The following LRIG1 variants were observed in gnomAD, a reference collection of about 807,000 sequenced individuals.
LRIG1 encodes the protein leucine-rich repeats and immunoglobulin-like domains protein 1.
In LRIG1, 48 loss-of-function variants were observed where a neutral mutation model predicts 99.2. The ratio of observed to expected loss-of-function variants is 0.48; its 90% CI spans 0.38 to 0.62. The LOEUF (loss-of-function observed/expected upper bound fraction) is 0.62. Ranked by LOEUF, LRIG1 falls within the 20% of genes least tolerant of loss-of-function variation. The pLI, the probability that LRIG1 is intolerant of heterozygous loss-of-function variation, is 0.00. For missense variants in LRIG1, 1,646 were observed against 1,434.4 expected, an observed-to-expected ratio of 1.15 and a Z score of -2.38; for synonymous variants, 772 against 596.1, an observed-to-expected ratio of 1.29 and a Z score of -4.30.
chr3:66,469,492 G>C (rs956889254), intron 1 of LRIG1, among the ~76,000 whole-genome samples: 5 of 152,150 alleles, frequency 3.3e-5, no homozygotes, highest in Non-Finnish European at 7.3e-5. Context: ...GTGGGCCTCT[G>C]AAGTCTAACG....
intron 4 of LRIG1, 53 bp downstream of exon 4, chr3:66,417,076 T>C (rs1702636514): frequency 1.9e-6 from 3 of 1,598,738 alleles, no homozygotes; most frequent in South Asian, 2.2e-5. Flanking sequence ...GTGAAGCTGT[T>C]AGCTGGCTGG....
chr3:66,478,763 A>T (rs1700782040), intron 1 of LRIG1, among the ~76,000 whole-genome samples: 1 of 151,976 alleles, frequency 6.6e-6, no homozygotes, highest in African/African-American at 2.4e-5. Context: ...ATGTCCCCGC[A>T]GGCCTTTTCT....
chr3:66,497,519 T>A (rs1010211863), intron 1 of LRIG1, among the ~76,000 whole-genome samples: 3 of 152,040 alleles, frequency 2.0e-5, no homozygotes, highest in African/African-American at 7.2e-5. Flanking sequence ...AGACTTAAAT[T>A]ATGGCTTGAC....
intron 2 of LRIG1, 58 bp downstream of exon 2, chr3:66,462,380 G>GA: frequency 7.6e-7 from 1 of 1,312,102 alleles, no homozygotes; most frequent in Non-Finnish European, 1.1e-6. Context: ...AATACAAGAG[G>GA]ATTTTCCCAA....
intron 1 of LRIG1, among the ~76,000 whole-genome samples, chr3:66,499,283 T>C (rs533500864): frequency 6.6e-6 from 1 of 152,352 alleles, no homozygotes; most frequent in African/African-American, 2.4e-5. Context: ...GCCCACATCC[T>C]GACAGCACAG....
intron 12 of LRIG1, chr3:66,387,439 TGTG>T (rs1340670188): frequency 1.3e-5 from 2 of 152,074 alleles, no homozygotes; most frequent in African/African-American, 4.8e-5. Flanking sequence ...AGACAGTGGT[TGTG>T]GTGACTTCTC....
At chr3:66,408,161 G>A (rs1553715302) in intron 7 of LRIG1, among the ~76,000 whole-genome samples, 3 of 152,220 alleles carry the variant, frequency 2.0e-5, no homozygotes, top group Non-Finnish European at 1.5e-5. Flanking sequence ...GGTTGCTTAC[G>A]TGACATATTG....
In LRIG1 at chr3:66,500,401, G is replaced by A. The variant is rs992246386; in HGVS notation, c.7C>T (p.Arg3Trp). ...GCCCCGAGCCCTCCCCGGACCGGCC[G>A]CGCCATCTTGTCTGGAGCGCGCTGC... Reference protein sequence around the residue: MARPVRGGLGAPR... With the variant: MAWPVRGGLGAPR... The change falls in exon 1 of 19, where the codon CGG (arginine) becomes TGG (tryptophan). Residue 3 changes from arginine to tryptophan, a missense_variant. Coordinates refer to ENST00000273261, the MANE Select transcript of LRIG1 (RefSeq NM_015541.3). 1.2e-5 allele frequency: 17 copies of A among 1,416,804 alleles called. No homozygotes were observed. Among genetic ancestry groups the A allele is most frequent in the African/African-American group, 1.5e-5 (1 of 67,758 alleles). 87.8% of individuals were successfully genotyped at this position (1,416,804 alleles called of 1,614,324 possible). A position where few individuals can be genotyped will look rare whatever the true frequency, so the allele number is the denominator to read the frequency against.
chr3:66,404,795 G>T (rs141374249), intron 9 of LRIG1, among the ~76,000 whole-genome samples: 1 of 152,118 alleles, frequency 6.6e-6, no homozygotes, highest in Non-Finnish European at 1.5e-5. Context: ...GGTTAATGAC[G>T]AAAGTACTGA....
At chr3:66,491,303 C>A (rs1315600916) in intron 1 of LRIG1, among the ~76,000 whole-genome samples, 1 of 152,168 alleles carries the variant, frequency 6.6e-6, no homozygotes, top group African/African-American at 2.4e-5. Context: ...ATGATCTATT[C>A]CATTTCTAAT....
intron 3 of LRIG1, among the ~76,000 whole-genome samples, chr3:66,449,775 A>G (rs1036344659): frequency 1.1e-4 from 16 of 152,176 alleles, no homozygotes; most frequent in African/African-American, 3.6e-4. Context: ...CCTCTCTGAC[A>G]ACACAGAGAT....
chr3:66,501,102 T>G (rs1701350682), upstream of LRIG1: 1 of 146,500 alleles, frequency 6.8e-6, no homozygotes, highest in South Asian at 2.1e-4. Context: ...CCCCCTAGGC[T>G]CCGCGCTCCG....
intron 11 of LRIG1, among the ~76,000 whole-genome samples, chr3:66,395,628 G>A (rs780533508): frequency 1.2e-4 from 19 of 152,114 alleles, no homozygotes; most frequent in Non-Finnish European, 2.5e-4. Flanking sequence ...TTTATTTCAC[G>A]GGCAGGTAGC....
chr3:66,385,487 T>C (rs1207302082), intron 13 of LRIG1, among the ~76,000 whole-genome samples: 2 of 152,240 alleles, frequency 1.3e-5, no homozygotes, highest in African/African-American at 4.8e-5. Flanking sequence ...CAGTCTCACT[T>C]TGACACCCAG....
Position 66,407,492 on chromosome 3 carries a change from C to G in LRIG1, c.936-1G>C. The G allele has an allele frequency of 6.2e-7, 1 of 1,613,868 alleles. No individual in the cohort carries two copies. Among genetic ancestry groups the G allele is most frequent in the Non-Finnish European group, 8.5e-7 (1 of 1,179,922 alleles). ...TGTCAGGTTGTTGAAGGACAGGACC[C>G]TGAGGAAAGGGAGGGCAGCAATGTC... is the stretch of plus-strand genomic sequence containing the variant. On this transcript the variant is annotated splice_acceptor_variant, in intron 7 of 18. Coordinates refer to ENST00000273261, the MANE Select transcript of LRIG1 (RefSeq NM_015541.3). LOFTEE classifies it high-confidence loss of function.
In LRIG1 at chr3:66,384,194, G is replaced by C; in HGVS notation, c.1868C>G (p.Thr623Arg). ...GGCAATCTGAGGGTTTGGGTGACCT[G>C]TGGCAGCACATTCGAGGCGGGCCAT... ...TTMARLECAA[T>R]GHPNPQIAWQ... is the part of the protein sequence containing the mutation. Residue 623 changes from threonine (T) to arginine (R), a missense_variant, in exon 14 of 19, where the codon ACA (threonine) becomes AGA (arginine). Coordinates refer to ENST00000273261, the MANE Select transcript of LRIG1 (RefSeq NM_015541.3). 1 of 1,614,188 alleles carries C rather than the reference G, an allele frequency of 6.2e-7. No homozygotes were observed. The highest frequency in any genetic ancestry group is 2.2e-5 in the East Asian group (1 of 44,880).
chr3:66,400,917 C>A (rs1408780436), intron 9 of LRIG1, among the ~76,000 whole-genome samples: 1 of 152,094 alleles, frequency 6.6e-6, no homozygotes, highest in Non-Finnish European at 1.5e-5. Context: ...GAGGCACCAC[C>A]AGTCCGTGTG....
At chr3:66,401,675 A>G (rs771460030) in intron 9 of LRIG1, 6 of 1,527,828 alleles carry the variant, frequency 3.9e-6, no homozygotes, top group Non-Finnish European at 1.8e-6. Context: ...TGGCTCTAAT[A>G]AAAGGCTGCT....
intron 3 of LRIG1, among the ~76,000 whole-genome samples, chr3:66,428,328 C>T (rs1486528795): frequency 6.6e-6 from 1 of 152,160 alleles, no homozygotes; most frequent in East Asian, 1.9e-4. Context: ...TTCTCAGATG[C>T]CACTGCCCTC....
Sources: gnomAD v4.1 joint callset for allele counts (sites outside exome capture counted in the v4.1 genomes callset) on GRCh38, gnomAD v4.1.1 for gene constraint, MANE v1.5 for transcripts, NCBI Gene and HGNC (gene_info 2026-07-23, HGNC 2026-07-21) for gene names.